Variants in CREB1 observed in about 807,000 individuals in gnomAD.
The protein encoded by CREB1 is cyclic AMP-responsive element-binding protein 1.
A neutral mutation model predicts 42.0 loss-of-function variants in CREB1; 2 were observed. The observed-to-expected ratio is 0.05, with a 90% confidence interval of 0.02 to 0.15. The LOEUF is 0.15. CREB1 is among the 10% of genes least tolerant of loss of function. The probability of loss-of-function intolerance (pLI) is 1.00; values close to 1 mark genes in which losing one functional copy is unlikely to be tolerated. For missense variants in CREB1, 199 were observed against 388.9 expected (o/e 0.51, Z 4.11); for synonymous variants, 123 against 139.9 (o/e 0.88, Z 0.85).
intron 1 of CREB1, among the ~76,000 whole-genome samples, chr2:207,548,564 A>G (rs2081382462): frequency 6.6e-6 from 1 of 152,080 alleles, no homozygotes; most frequent in African/African-American, 2.4e-5. Context: ...CAGCGTGGCC[A>G]ACATGGTGAA....
intron 7 of CREB1, among the ~76,000 whole-genome samples, chr2:207,592,489 C>T (rs973839808): frequency 2.0e-5 from 3 of 152,124 alleles, no homozygotes; most frequent in African/African-American, 7.2e-5. Flanking sequence ...TGCTCCTTTT[C>T]TTCCTCTGCC....
In CREB1 at chr2:207,568,675, C is replaced by G. The variant is rs557627738; in HGVS notation, c.362+1112C>G. On this transcript the variant is annotated intron_variant, in intron 4 of 7. Coordinates refer to ENST00000353267, the MANE Select transcript of CREB1 (RefSeq NM_004379.5). ...TAGCATAAAGGGACAGAGTTTATAA[C>G]TAGTTTGTTACAAATTTAAGATATC... 6.6e-5 allele frequency among the ~76,000 whole-genome samples: 10 copies of G among 152,152 alleles called. No homozygotes were observed. In the South Asian group the frequency reaches 2.1e-3, roughly 32 times the overall value.
At chr2:207,591,941 A>G (rs1268086747) in intron 7 of CREB1, among the ~76,000 whole-genome samples, 2 of 152,156 alleles carry the variant, frequency 1.3e-5, no homozygotes, top group Admixed American at 6.5e-5. Flanking sequence ...TTAATTTTCA[A>G]TTGTCTTCAT....
At chr2:207,594,161 TA>T (rs1250898179) in intron 7 of CREB1, among the ~76,000 whole-genome samples, 2 of 152,362 alleles carry the variant, frequency 1.3e-5, no homozygotes, top group African/African-American at 4.8e-5. Flanking sequence ...AGCAGCTTGC[TA>T]AAGAATAATT....
intron 1 of CREB1, among the ~76,000 whole-genome samples, chr2:207,538,008 AC>A (rs1164087227): frequency 6.6e-6 from 1 of 152,230 alleles, no homozygotes; most frequent in African/African-American, 2.4e-5. Context: ...CACATTATAC[AC>A]ATAGCCTGAA....
rs955799582 is a variant in CREB1 at position 207,597,567 on chromosome 2, G to A, written c.*509G>A. Reference sequence around the variant, plus strand: ...ATTGTGAATTATGTAAAGTTGTTAAGAGACATACCCTCTAAAAAAGAACTT... The same window carrying A: ...ATTGTGAATTATGTAAAGTTGTTAAAAGACATACCCTCTAAAAAAGAACTT... On this transcript the variant is annotated 3_prime_UTR_variant, in exon 8 of 8. Transcript: ENST00000353267. 5 of 210,294 alleles carry A rather than the reference G, an allele frequency of 2.4e-5. No homozygotes were observed. Among genetic ancestry groups the A allele is most frequent in the African/African-American group, 6.8e-5 (3 of 44,006 alleles). 13.0% of individuals were successfully genotyped at this position (210,294 alleles called of 1,614,324 possible).
At chr2:207,564,510 T>TA (rs34127936) in intron 3 of CREB1, among the ~76,000 whole-genome samples, 23,648 of 145,490 alleles carry the variant, frequency 0.16, 2,037 homozygotes, top group Middle Eastern at 0.22. Flanking sequence ...TCCTGTCTCT[T>TA]AAAAAAAAAA....
At chr2:207,558,275 C>G (rs562598506) in intron 2 of CREB1, among the ~76,000 whole-genome samples, 85 of 152,328 alleles carry the variant, frequency 5.6e-4, no homozygotes, top group African/African-American at 1.9e-3. Flanking sequence ...AAATAAACAT[C>G]TCTACAAATT....
At chr2:207,530,346 G>A (rs1208693093) in intron 1 of CREB1, among the ~76,000 whole-genome samples, 3 of 150,428 alleles carry the variant, frequency 2.0e-5, no homozygotes, top group Non-Finnish European at 4.4e-5. Flanking sequence ...CGGCCGGGGC[G>A]GCAGCGACTC....
Position 207,602,881 on chromosome 2 carries a change from G to T in CREB1, c.*5823G>T, listed in dbSNP as rs529483784. On this transcript the variant is annotated 3_prime_UTR_variant, in exon 8 of 8. Coordinates refer to ENST00000353267, the MANE Select transcript of CREB1 (RefSeq NM_004379.5). ...TGACTGATTTGTCCACATGTCAGTT[G>T]TAACTCCCCCACTCCCTGCAAAAGG... 3.2e-5 allele frequency: 7 copies of T among 217,776 alleles called. No homozygotes were observed. The highest frequency in any genetic ancestry group is 6.5e-5 in the Non-Finnish European group (7 of 108,282). The allele number at this position is 217,776 out of a possible 1,614,324, so 13.5% of individuals were successfully genotyped here.
chr2:207,588,613 A>G (rs2084329036), intron 7 of CREB1, among the ~76,000 whole-genome samples: 1 of 152,202 alleles, frequency 6.6e-6, no homozygotes, highest in Non-Finnish European at 1.5e-5. Context: ...ATTGTGAAGA[A>G]GTCACATCTT....
At position 207,566,413 on chromosome 2, in the gene CREB1, G is replaced by GCATA. The variant is rs535004799; in HGVS notation, c.262-1049_262-1046dup. On this transcript the variant is annotated intron_variant, in intron 3 of 7. Transcript: ENST00000353267. ...TAATGTGCCCCTAGTTCAGGAAAGA[G>GCATA]CATAACGTTTCTGCTGATTAGAGAA... is the stretch of plus-strand genomic sequence containing the variant. 8.5e-5 allele frequency among the ~76,000 whole-genome samples: 13 copies of GCATA among 152,302 alleles called. No homozygotes were observed. In the South Asian group the frequency reaches 2.7e-3, roughly 32 times the overall value.
At chr2:207,540,699 G>GAAAAAAAAAA (rs1411514823) in intron 1 of CREB1, among the ~76,000 whole-genome samples, 2 of 75,772 alleles carry the variant, frequency 2.6e-5, no homozygotes, top group African/African-American at 4.6e-5. Flanking sequence ...AAAAAAAAAG[G>GAAAAAAAAAA]AAAAAACCTT....
rs1247187264 is a variant in CREB1, at chr2:207,604,718, A to AG, written c.*7660_*7661insG. 6.6e-6 allele frequency among the ~76,000 whole-genome samples: 1 copy of AG among 151,894 alleles called. No individual in the cohort carries two copies. Among genetic ancestry groups the AG allele is most frequent in the Middle Eastern group, 3.2e-3 (1 of 316 alleles). ...AAAACATTCTCATCACTCCAAAAGTAAAGTCCCGTTACTCTCCATTTTCTC... is the reference window on the plus strand; with the variant it reads ...AAAACATTCTCATCACTCCAAAAGTAGAAGTCCCGTTACTCTCCATTTTCTC... On this transcript the variant is annotated 3_prime_UTR_variant, in exon 8 of 8. Coordinates refer to ENST00000353267, the MANE Select transcript of CREB1 (RefSeq NM_004379.5).
intron 1 of CREB1, among the ~76,000 whole-genome samples, chr2:207,536,867 G>A (rs558170278): frequency 1.3e-4 from 19 of 151,970 alleles, no homozygotes; most frequent in Non-Finnish European, 2.6e-4. Flanking sequence ...GTATACGCCT[G>A]TAGTCCCAGC....
At chr2:207,592,748 G>A (rs1238072281) in intron 7 of CREB1, among the ~76,000 whole-genome samples, 2 of 151,810 alleles carry the variant, frequency 1.3e-5, no homozygotes, top group East Asian at 3.9e-4. Flanking sequence ...GTGAAACCCC[G>A]TCTCTACTAA....
At chr2:207,540,768 A>G (rs975599296) in intron 1 of CREB1, among the ~76,000 whole-genome samples, 2 of 151,450 alleles carry the variant, frequency 1.3e-5, no homozygotes, top group Non-Finnish European at 2.9e-5. Flanking sequence ...AACCCTTTAG[A>G]GAAAAAATAT....
At chr2:207,575,934 TCC>T (rs67598600) in intron 6 of CREB1, among the ~76,000 whole-genome samples, 1,963 of 14,224 alleles carry the variant, frequency 0.14, 382 homozygotes, top group African/African-American at 0.3. Flanking sequence ...TTTCTCTGCT[TCC>T]CCCCCCCCCC....
chr2:207,577,864 A>C (rs2082656914), intron 7 of CREB1: 1 of 552,526 alleles, frequency 1.8e-6, no homozygotes, highest in Non-Finnish European at 3.2e-6. Flanking sequence ...TTGATCGTGG[A>C]GTAGTTTTCT....
Sources: allele counts gnomAD v4.1 joint callset (sites outside exome capture counted in the v4.1 genomes callset), GRCh38; gene constraint gnomAD v4.1.1; transcripts MANE v1.5; gene names NCBI Gene and HGNC (gene_info 2026-07-23, HGNC 2026-07-21).